DAZL: variants seen among roughly 807,000 people sequenced by gnomAD.
DAZL encodes deleted in azoospermia like, also known as deleted in azoospermia-like.
DAZL carries 4 observed loss-of-function variants against 45.0 expected under a neutral mutation model. The ratio of observed to expected loss-of-function variants is 0.09; its 90% CI spans 0.04 to 0.20. DAZL has a LOEUF of 0.20. Ranked by LOEUF, DAZL falls within the 10% of genes least tolerant of loss-of-function variation. DAZL has a pLI of 1.00. For missense variants in DAZL, 326 were observed against 351.3 expected (o/e 0.93, Z 0.58); for synonymous variants, 122 against 112.4 (o/e 1.09, Z -0.54).
chr3:16,596,534 T>C (rs1694602786), intron 6 of DAZL, among the ~76,000 whole-genome samples: 1 of 152,076 alleles, frequency 6.6e-6, no homozygotes. Context: ...ACAGAGGTCA[T>C]TTCTAAGATA....
chr3:16,591,235 C>T (rs919665674), intron 10 of DAZL, among the ~76,000 whole-genome samples: 5 of 152,076 alleles, frequency 3.3e-5, no homozygotes, highest in East Asian at 1.9e-4. Context: ...GGATAGACGG[C>T]GGGATCAGAA....
intron 10 of DAZL, among the ~76,000 whole-genome samples, chr3:16,589,730 G>A (rs906152882): frequency 2.6e-5 from 4 of 151,996 alleles, no homozygotes; most frequent in Non-Finnish European, 5.9e-5. Flanking sequence ...AGTTTAAAGG[G>A]AGTCTTTTGT....
intron 3 of DAZL, 91 bp downstream of exon 3, chr3:16,597,995 AT>A: frequency 7.9e-7 from 1 of 1,265,810 alleles, no homozygotes; most frequent in Non-Finnish European, 1.1e-6. Flanking sequence ...ACAGCAACAA[AT>A]TTATGTTAAG....
chr3:16,596,714 A>G, intron 6 of DAZL, 36 bp downstream of exon 6: 2 of 1,610,102 alleles, frequency 1.2e-6, no homozygotes, highest in South Asian at 2.2e-5. Context: ...GATGACTACA[A>G]TAAACAAGAG....
intron 9 of DAZL, 95 bp downstream of exon 9, chr3:16,593,560 A>G (rs1694553315): frequency 4.7e-6 from 4 of 842,398 alleles, no homozygotes; most frequent in Non-Finnish European, 7.5e-6. Flanking sequence ...TTTCAATTAC[A>G]AATTTCTGCT....
intron 6 of DAZL, among the ~76,000 whole-genome samples, chr3:16,596,387 T>C (rs2125045984): frequency 6.6e-6 from 1 of 152,172 alleles, no homozygotes; most frequent in Admixed American, 6.5e-5. Context: ...TGGAAATCAT[T>C]GCAAATAAAG....
chr3:16,590,041 C>T (rs1694493523), intron 10 of DAZL, among the ~76,000 whole-genome samples: 1 of 152,096 alleles, frequency 6.6e-6, no homozygotes, highest in South Asian at 2.1e-4. Context: ...ACACTGCAAT[C>T]CAGCCTAGGT....
At chr3:16,599,453 A>C (rs1694650324) in intron 1 of DAZL, among the ~76,000 whole-genome samples, 1 of 152,188 alleles carries the variant, frequency 6.6e-6, no homozygotes, top group Non-Finnish European at 1.5e-5. Flanking sequence ...TTTACTTTGG[A>C]AATGGATCAT....
Position 16,588,492 on chromosome 3 carries a change from C to A in DAZL, c.*168G>T. On this transcript the variant is annotated 3_prime_UTR_variant, in exon 11 of 11. Coordinates refer to ENST00000399444, the MANE Select transcript of DAZL (RefSeq NM_001351.4). ...AACACAGAACCAGTTTCTAAATAAA[C>A]ATCTAATGAAGAACAGTTTAAGATA... 1 of 590,166 alleles carries A rather than the reference C, an allele frequency of 1.7e-6. No homozygotes were observed. Among genetic ancestry groups the A allele is most frequent in the Non-Finnish European group, 3.1e-6 (1 of 317,672 alleles). 36.6% of individuals were successfully genotyped at this position (590,166 alleles called of 1,614,324 possible). A position where few individuals can be genotyped will look rare whatever the true frequency, so the allele number is the denominator to read the frequency against.
chr3:16,595,490 T>C, intron 6 of DAZL, 105 bp from the exon 7 acceptor site: 1 of 668,736 alleles, frequency 1.5e-6, no homozygotes, highest in Non-Finnish European at 2.5e-6. Flanking sequence ...AAAATATTTT[T>C]CTATATACAA....
chr3:16,600,900 G>A (rs895373061), intron 1 of DAZL, among the ~76,000 whole-genome samples: 8 of 152,166 alleles, frequency 5.3e-5, no homozygotes, highest in Non-Finnish European at 1.0e-4. Flanking sequence ...AGCCCTGGGG[G>A]CATTTAACAA....
intron 3 of DAZL, among the ~76,000 whole-genome samples, chr3:16,597,779 T>A (rs1220345681): frequency 6.6e-6 from 1 of 152,184 alleles, no homozygotes; most frequent in Non-Finnish European, 1.5e-5. Context: ...AGAATTCATA[T>A]CCATGAACCT....
At chr3:16,593,961 T>C (rs1297392945) in intron 8 of DAZL, among the ~76,000 whole-genome samples, 193 bp from the exon 9 acceptor site, 2 of 152,218 alleles carry the variant, frequency 1.3e-5, no homozygotes, top group Non-Finnish European at 2.9e-5. Flanking sequence ...TTTTAGAATG[T>C]CTTTAAGGCA....
intron 1 of DAZL, among the ~76,000 whole-genome samples, chr3:16,602,211 G>A (rs1226294557): frequency 6.6e-6 from 1 of 152,080 alleles, no homozygotes; most frequent in Non-Finnish European, 1.5e-5. Context: ...TATGAGACCT[G>A]AGAAATGGGT....
chr3:16,588,798 C>G, intron 10 of DAZL, 85 bp from the exon 11 acceptor site: 2 of 1,110,782 alleles, frequency 1.8e-6, no homozygotes, highest in Non-Finnish European at 2.8e-6. Flanking sequence ...AAACTTAAAC[C>G]ATTTGTTTTG....
In DAZL at chr3:16,592,137, G is replaced by A; in HGVS notation, c.747C>T (p.Asp249=). 1.9e-6 allele frequency: 3 copies of A among 1,613,162 alleles called. No individual in the cohort carries two copies. Among genetic ancestry groups the A allele is most frequent in the Non-Finnish European group, 2.5e-6 (3 of 1,179,786 alleles). ...SGNGPQKKSV[D]RSIQTVVSCL... is the part of the protein sequence containing the mutation. ...AAGATACCACCGTTTGTATGCTTCGGTCCACAGATTTCTGAAACACAGAAG... is the reference window on the plus strand; with the variant it reads ...AAGATACCACCGTTTGTATGCTTCGATCCACAGATTTCTGAAACACAGAAG... The change falls in exon 10 of 11, where the codon GAC becomes GAT. Residue 249 remains aspartate (D), a synonymous_variant. Coordinates refer to ENST00000399444, the MANE Select transcript of DAZL (RefSeq NM_001351.4).
rs956227841 is a variant in DAZL at position 16,605,363 on chromosome 3, G to T, written c.-158C>A. 4 of 901,706 alleles carry T rather than the reference G, an allele frequency of 4.4e-6. No homozygotes were observed. Among genetic ancestry groups the T allele is most frequent in the Non-Finnish European group, 7.3e-6 (4 of 550,154 alleles). 55.9% of individuals were successfully genotyped at this position (901,706 alleles called of 1,614,324 possible). On this transcript the variant is annotated 5_prime_UTR_variant, in exon 1 of 11. Transcript: ENST00000399444. Reference sequence around the variant, plus strand: ...TGAAGAGAAAAGGAAAACCAAGAGCGGGTGACAAGGCTGAGGAGCCCCGAA... The same window carrying T: ...TGAAGAGAAAAGGAAAACCAAGAGCTGGTGACAAGGCTGAGGAGCCCCGAA...
intron 8 of DAZL, 33 bp from the exon 9 acceptor site, chr3:16,593,801 A>G (rs1694557139): frequency 1.5e-6 from 2 of 1,334,608 alleles, no homozygotes; most frequent in Non-Finnish European, 2.1e-6. Context: ...GTAATTAAAC[A>G]GATATACAGA....
At chr3:16,596,558 C>T (rs1694603056) in intron 6 of DAZL, among the ~76,000 whole-genome samples, 192 bp downstream of exon 6, 1 of 151,564 alleles carries the variant, frequency 6.6e-6, no homozygotes, top group Non-Finnish European at 1.5e-5. Context: ...ACAAAGTATA[C>T]AGAAGATCTT....
Sources: allele counts gnomAD v4.1 joint callset (sites outside exome capture counted in the v4.1 genomes callset), GRCh38; gene constraint gnomAD v4.1.1; transcripts MANE v1.5; gene names NCBI Gene and HGNC (gene_info 2026-07-23, HGNC 2026-07-21).